Variants in TCF3 observed in about 807,000 individuals in gnomAD.
The protein encoded by TCF3 is transcription factor 3, also known as transcription factor E2-alpha.
Under a neutral mutation model 72.3 loss-of-function variants are expected in TCF3, and 54 were observed. The ratio of observed to expected loss-of-function variants is 0.75; its 90% CI spans 0.60 to 0.94. TCF3 has a LOEUF of 0.94. Ranked by LOEUF, TCF3 falls within the 40% of genes least tolerant of loss-of-function variation. The pLI is 0.00. For synonymous variants in TCF3, 525 were observed against 412.6 expected (o/e 1.27, Z -3.30); for missense variants, 1,078 against 934.4 (o/e 1.15, Z -2.00).
At chr19:1,626,585 TGAGTCACCCGG>T (rs1407030032) in intron 6 of TCF3, among the ~76,000 whole-genome samples, 6 of 152,036 alleles carry the variant, frequency 3.9e-5, no homozygotes, top group Non-Finnish European at 5.9e-5. Context: ...CGGGGCTCGA[TGAGTCACCCGG>T]GAGCGCCAGA....
At chr19:1,635,118 C>T (rs1228189143) in intron 3 of TCF3, among the ~76,000 whole-genome samples, 4 of 152,208 alleles carry the variant, frequency 2.6e-5, no homozygotes, top group South Asian at 4.1e-4. Flanking sequence ...CTGTGTACCG[C>T]CCCTGCCAAA....
chr19:1,629,884 C>T (rs1387026101), intron 5 of TCF3, among the ~76,000 whole-genome samples: 2 of 152,190 alleles, frequency 1.3e-5, no homozygotes, highest in African/African-American at 2.4e-5. Context: ...ATCTTGGTGA[C>T]CCGGGGGGAC....
chr19:1,639,879 C>T (rs1436148207), intron 3 of TCF3, among the ~76,000 whole-genome samples: 1 of 151,392 alleles, frequency 6.6e-6, no homozygotes, highest in Non-Finnish European at 1.5e-5. Flanking sequence ...CAGAAGAGGG[C>T]AGAAGTCAGC....
chr19:1,619,323 G>A lies in TCF3; in HGVS notation c.1319C>T (p.Ala440Val). 6.4e-7 allele frequency: 1 copy of A among 1,573,818 alleles called. No individual in the cohort carries two copies. The highest frequency in any genetic ancestry group is 8.6e-7 in the Non-Finnish European group (1 of 1,165,706). The change falls in exon 15 of 19, where the codon GCA becomes GTA. Residue 440 changes from alanine to valine, a missense_variant. Ala to Val is a moderately conservative substitution (Grantham distance 64). Transcript: ENST00000262965. ...TGPMSLGGRH[A>V]GLVGGSHPED... is the part of the protein sequence containing the mutation. ...CCCTCGCCCAGCGCTCACCAGGCCT[G>A]CGTGCCGCCCGCCCAGTGACATGGG... is the stretch of plus-strand genomic sequence containing the variant.
At chr19:1,613,504 TC>T (rs2061246462) in intron 18 of TCF3, among the ~76,000 whole-genome samples, 3 of 151,998 alleles carry the variant, frequency 2.0e-5, no homozygotes, top group Admixed American at 1.3e-4. Flanking sequence ...TCTTTGTTCT[TC>T]CCTCCCAAGA....
chr19:1,627,394 A>G lies in TCF3; in HGVS notation c.331T>C (p.Phe111Leu), dbSNP rs1255672969. ...CCGCCCACGCCTGCGTCTCTCCCGA[A>G]GGAGGCATAGGCGCCCCGCTCACCG... ...KSGERGAYAS[F>L]GRDAGVGGLT... The change falls in exon 6 of 19, where the codon TTC becomes CTC. Residue 111 changes from phenylalanine to leucine, a missense_variant. By Grantham distance (22) the Phe-to-Leu change is conservative. Transcript: ENST00000262965. 6.2e-7 allele frequency: 1 copy of G among 1,612,032 alleles called. No homozygotes were observed. Among genetic ancestry groups the G allele is most frequent in the Non-Finnish European group, 8.5e-7 (1 of 1,179,738 alleles).
rs1555774892 is a variant in TCF3 at position 1,642,162 on chromosome 19, A to ACACACG, written c.145+4192_145+4193insCGTGTG. ...CACACACACACACACACACACACAC[A>ACACACG]CACGCACGCGTACACACACGCACGC... On this transcript the variant is annotated intron_variant, in intron 3 of 18. Coordinates refer to ENST00000262965, the MANE Select transcript of TCF3 (RefSeq NM_003200.5). Among the ~76,000 whole-genome samples, 3 of 146,672 alleles carry ACACACG rather than the reference A, an allele frequency of 2.0e-5. No homozygotes were observed. In the East Asian group the frequency reaches 6.1e-4, roughly 30 times the overall value.
At chr19:1,646,809 C>T (rs1049634424) in intron 2 of TCF3, among the ~76,000 whole-genome samples, 1 of 152,222 alleles carries the variant, frequency 6.6e-6, no homozygotes, top group East Asian at 1.9e-4. Flanking sequence ...GTTGTCTTTA[C>T]GTTTCAGCTC....
chr19:1,641,092 G>A (rs1449844630), intron 3 of TCF3, among the ~76,000 whole-genome samples: 4 of 151,366 alleles, frequency 2.6e-5, no homozygotes, highest in Non-Finnish European at 5.9e-5. Flanking sequence ...GGAGGCGGAG[G>A]CGGAGGTTGC....
chr19:1,623,178 G>C (rs182831416), intron 8 of TCF3, among the ~76,000 whole-genome samples: 1 of 152,054 alleles, frequency 6.6e-6, no homozygotes, highest in African/African-American at 2.4e-5. Flanking sequence ...GGGCTCTTGG[G>C]GCCAGCACAG....
rs10419445 is a variant in TCF3 at position 1,620,202 on chromosome 19, A to G, written c.1094-349T>C. ...ACGCTGGGCTCCAGCAGCAGGCAAG[A>G]AAGTGGCAAGCTCCAGGTGGGACCA... On this transcript the variant is annotated intron_variant, in intron 13 of 18. Transcript: ENST00000262965. 8.3e-3 allele frequency among the ~76,000 whole-genome samples: 1,264 copies of G among 152,256 alleles called. 22 individuals carry two copies. The highest frequency in any genetic ancestry group is 0.029 in the African/African-American group (1,194 of 41,532).
intron 3 of TCF3, among the ~76,000 whole-genome samples, chr19:1,644,661 G>A (rs1382400962): frequency 6.6e-6 from 1 of 152,202 alleles, no homozygotes; most frequent in Non-Finnish European, 1.5e-5. Flanking sequence ...TGGGCGTCCA[G>A]GGAGAGGCAA....
chr19:1,611,988 C>T (rs2061041806), intron 18 of TCF3, 139 bp from the exon 19 acceptor site: 1 of 761,024 alleles, frequency 1.3e-6, no homozygotes, highest in Non-Finnish European at 2.1e-6. Flanking sequence ...TTCCGGCTCT[C>T]ACCTCCTTCC....
In TCF3 at chr19:1,652,421, G is replaced by A. The variant is rs1423528606; in HGVS notation, c.-161C>T. 1.4e-5 allele frequency: 2 copies of A among 142,128 alleles called. No homozygotes were observed. The highest frequency in any genetic ancestry group is 5.1e-5 in the African/African-American group (2 of 39,528). The allele number at this position is 142,128 out of a possible 1,614,324, so 8.8% of individuals were successfully genotyped here. On this transcript the variant is annotated 5_prime_UTR_variant, in exon 1 of 19. Transcript: ENST00000262965. ...CCGAGGGTCGCGCGTGGGCGGCGGC[G>A]GCGGCGCGCGTGGCCCGGGCCCCTC... is the stretch of plus-strand genomic sequence containing the variant.
At chr19:1,627,548 G>T in intron 5 of TCF3, 122 bp from the exon 6 acceptor site, 1 of 861,336 alleles carries the variant, frequency 1.2e-6, no homozygotes, top group South Asian at 1.6e-5. Flanking sequence ...GAGCGCCACG[G>T]CAGGATGCTG....
chr19:1,643,019 T>C (rs1336035417), intron 3 of TCF3, among the ~76,000 whole-genome samples: 1 of 152,166 alleles, frequency 6.6e-6, no homozygotes, highest in East Asian at 1.9e-4. Flanking sequence ...ATAAGCAATT[T>C]CCTGGTGTCT....
chr19:1,650,687 C>G (rs2066883835), intron 1 of TCF3: 2 of 236,968 alleles, frequency 8.4e-6, no homozygotes, highest in Admixed American at 5.6e-5. Context: ...CCCCTACCCC[C>G]GGGAAAGGGA....
In TCF3 at chr19:1,631,878, TC is replaced by T. The variant is rs148730175; in HGVS notation, c.298+159del. On this transcript the variant is annotated intron_variant, in intron 5 of 18. Transcript: ENST00000262965. ...GAGTCCGGGCCACGTCCCCTGCACC[TC>T]CCCGCAGCTGCTCCCAGGACGGGCA... is the stretch of plus-strand genomic sequence containing the variant. 3,272 of 1,518,174 alleles carry T rather than the reference TC, an allele frequency of 2.2e-3. 61 individuals are homozygous for T. The African/African-American group carries it at 0.04, about 18-fold the overall frequency. 94.0% of individuals were successfully genotyped at this position (1,518,174 alleles called of 1,614,324 possible). A position where few individuals can be genotyped will look rare whatever the true frequency, so the allele number is the denominator to read the frequency against.
intron 8 of TCF3, among the ~76,000 whole-genome samples, chr19:1,623,309 T>C (rs983808502): frequency 6.6e-6 from 1 of 150,964 alleles, no homozygotes; most frequent in Non-Finnish European, 1.5e-5. Flanking sequence ...CGAGGCCTGG[T>C]AGGGAGGCAG....
Sources: gnomAD v4.1 joint callset for allele counts (sites outside exome capture counted in the v4.1 genomes callset) on GRCh38, gnomAD v4.1.1 for gene constraint, MANE v1.5 for transcripts, NCBI Gene and HGNC (gene_info 2026-07-23, HGNC 2026-07-21) for gene names.